The following CFAP299 variants were observed in gnomAD, a reference collection of about 807,000 sequenced individuals.
CFAP299 encodes the protein cilia- and flagella-associated protein 299.
CFAP299 carries 21 observed loss-of-function variants against 27.0 expected under a neutral mutation model. The ratio of observed to expected loss-of-function variants is 0.78; its 90% confidence interval spans 0.55 to 1.12. The LOEUF is 1.12. Ranked by LOEUF, CFAP299 falls within the 50% of genes most tolerant of loss-of-function variation. CFAP299 has a pLI of 0.00. For synonymous variants in CFAP299, 104 were observed against 98.1 expected (o/e 1.06, Z -0.36); for missense variants, 310 against 276.6 (o/e 1.12, Z -0.86).
At position 80,386,163 on chromosome 4, in the gene CFAP299, A is replaced by C. The variant is rs1578382167; in HGVS notation, c.242+23279A>C. The C allele has an allele frequency of 6.6e-6, 4 of 610,216 alleles. No individual in the cohort carries two copies. The East Asian group carries it at 1.2e-4, about 18-fold the overall frequency. 37.8% of individuals were successfully genotyped at this position (610,216 alleles called of 1,614,324 possible). A position where few individuals can be genotyped will look rare whatever the true frequency, so the allele number is the denominator to read the frequency against. On this transcript the variant is annotated intron_variant, in intron 2 of 5. Coordinates refer to ENST00000358105, the MANE Select transcript of CFAP299 (RefSeq NM_152770.3). The stretch of plus-strand genomic sequence containing the variant: ...GAGCATCAGGCCTTCCCAGGAAACG[A>C]ACACCCCGGGTCCGTCACTCTGAGG...
chr4:80,752,402 T>TTATTTATATATATGTGTATATA (rs1724984456), intron 3 of CFAP299, among the ~76,000 whole-genome samples: 1 of 145,044 alleles, frequency 6.9e-6, no homozygotes, highest in Admixed American at 6.9e-5. Context: ...ATATATATAT[T>TTATTTATATATATGTGTATATA]TATATATATA....
At chr4:80,427,032 G>A (rs1006115109) in intron 2 of CFAP299, among the ~76,000 whole-genome samples, 2 of 152,028 alleles carry the variant, frequency 1.3e-5, no homozygotes, top group South Asian at 2.1e-4. Flanking sequence ...TAAAGCAATC[G>A]TTCTTATCAA....
chr4:80,349,601 G>T (rs939762253), intron 1 of CFAP299, among the ~76,000 whole-genome samples: 1 of 152,136 alleles, frequency 6.6e-6, no homozygotes, highest in Admixed American at 6.6e-5. Context: ...AAATAATAAT[G>T]TCAGAGTGAA....
chr4:80,418,360 G>A (rs149160011), intron 2 of CFAP299, among the ~76,000 whole-genome samples: 2 of 152,016 alleles, frequency 1.3e-5, no homozygotes, highest in Admixed American at 6.6e-5. Flanking sequence ...AAAAAAAAGT[G>A]TTATACATTG....
intron 3 of CFAP299, among the ~76,000 whole-genome samples, chr4:80,718,033 C>A (rs1179478159): frequency 6.6e-6 from 1 of 152,038 alleles, no homozygotes; most frequent in Non-Finnish European, 1.5e-5. Flanking sequence ...GTCCTACTAA[C>A]TGCTTGAAAC....
intron 2 of CFAP299, among the ~76,000 whole-genome samples, chr4:80,400,113 C>T (rs1726058788): frequency 6.6e-6 from 1 of 151,874 alleles, no homozygotes; most frequent in Non-Finnish European, 1.5e-5. Context: ...CTCTTTATGT[C>T]TGTATGTTGA....
chr4:80,494,281 C>T (rs1731317924), intron 2 of CFAP299, among the ~76,000 whole-genome samples: 1 of 152,182 alleles, frequency 6.6e-6, no homozygotes, highest in Non-Finnish European at 1.5e-5. Context: ...TCCCATTATC[C>T]TCACTATCTT....
rs548686986 is a variant in CFAP299 at position 80,591,163 on chromosome 4, G to T, written c.333+7980G>T. Among the ~76,000 whole-genome samples the T allele has an allele frequency of 5.8e-5, 7 of 120,672 alleles. No individual in the cohort carries two copies. The South Asian group carries it at 1.8e-3, about 31-fold the overall frequency. The allele number at this position is 120,672 out of a possible 152,430, so 79.2% of individuals were successfully genotyped here. A position where few individuals can be genotyped will look rare whatever the true frequency, so the allele number is the denominator to read the frequency against. On this transcript the variant is annotated intron_variant, in intron 3 of 5. Transcript: ENST00000358105. ...TTTTGAGACGGAGTCTCGCTCTGTC[G>T]CCCAGGCTGGAGTGCAGTGGCGGGA...
chr4:80,617,261 G>T (rs139720360), intron 3 of CFAP299, among the ~76,000 whole-genome samples: 147 of 152,156 alleles, frequency 9.7e-4, no homozygotes, highest in Admixed American at 2.2e-3. Flanking sequence ...CTATTTTAGT[G>T]GCCATGTTGT....
intron 5 of CFAP299, among the ~76,000 whole-genome samples, chr4:80,949,687 AT>A (rs2110235187): frequency 6.6e-6 from 1 of 152,230 alleles, no homozygotes; most frequent in South Asian, 2.1e-4. Flanking sequence ...ATTCACAAGT[AT>A]AAAACAGACA....
At chr4:80,482,311 T>C (rs1730604062) in intron 2 of CFAP299, among the ~76,000 whole-genome samples, 1 of 152,072 alleles carries the variant, frequency 6.6e-6, no homozygotes, top group African/African-American at 2.4e-5. Context: ...AGTGAAATAT[T>C]GTCACTTTTG....
intron 3 of CFAP299, among the ~76,000 whole-genome samples, chr4:80,657,573 T>C (rs1304999641): frequency 2.6e-5 from 4 of 152,128 alleles, no homozygotes; most frequent in Non-Finnish European, 5.9e-5. Flanking sequence ...CTCTTTTCTG[T>C]TCTATTGGTC....
At chr4:80,840,448 T>C (rs768458461) in intron 3 of CFAP299, among the ~76,000 whole-genome samples, 2 of 152,140 alleles carry the variant, frequency 1.3e-5, no homozygotes, top group African/African-American at 4.8e-5. Flanking sequence ...TTAGTTATCA[T>C]GGTTAAGAAC....
intron 3 of CFAP299, among the ~76,000 whole-genome samples, chr4:80,775,378 G>A (rs960044479): frequency 1.3e-5 from 2 of 151,876 alleles, no homozygotes; most frequent in South Asian, 2.1e-4. Context: ...CATCTTCAAT[G>A]AGCATGAATT....
At chr4:80,844,368 C>T (rs1053061177) in intron 3 of CFAP299, among the ~76,000 whole-genome samples, 1 of 152,118 alleles carries the variant, frequency 6.6e-6, no homozygotes, top group East Asian at 1.9e-4. Flanking sequence ...ACAGTCCCAC[C>T]AATAGTGTAA....
intron 3 of CFAP299, among the ~76,000 whole-genome samples, chr4:80,794,571 G>T (rs1353904790): frequency 1.3e-5 from 2 of 152,136 alleles, no homozygotes; most frequent in Non-Finnish European, 2.9e-5. Context: ...AGCTGCTTCA[G>T]GATGATGGGG....
intron 4 of CFAP299, among the ~76,000 whole-genome samples, chr4:80,887,136 A>G (rs769778098): frequency 1.4e-4 from 22 of 152,208 alleles, no homozygotes; most frequent in Admixed American, 1.2e-3. Flanking sequence ...AAGAGGAGGT[A>G]GACAAAGAGA....
At chr4:80,942,889 G>T (rs2110229239) in intron 4 of CFAP299, among the ~76,000 whole-genome samples, 1 of 152,294 alleles carries the variant, frequency 6.6e-6, no homozygotes, top group Middle Eastern at 3.4e-3. Context: ...GGATATCAAA[G>T]TATATTTTTT....
chr4:80,611,611 C>A (rs574521569), intron 3 of CFAP299, among the ~76,000 whole-genome samples: 2 of 152,090 alleles, frequency 1.3e-5, no homozygotes, highest in Admixed American at 6.5e-5. Flanking sequence ...AAATCCAGAC[C>A]ACACCTGCAT....
Sources: gnomAD v4.1 joint callset for allele counts (sites outside exome capture counted in the v4.1 genomes callset) on GRCh38, gnomAD v4.1.1 for gene constraint, MANE v1.5 for transcripts, NCBI Gene and HGNC (gene_info 2026-07-23, HGNC 2026-07-21) for gene names.